JARID2: variants seen among roughly 807,000 people sequenced by gnomAD.
The protein encoded by JARID2 is protein Jumonji.
Under a neutral mutation model 125.6 loss-of-function variants are expected in JARID2, and 21 were observed. That is an observed-to-expected ratio of 0.17 (90% CI 0.12 to 0.24). The LOEUF (loss-of-function observed/expected upper bound fraction) is 0.24, where lower values mean the gene tolerates loss of function less well. Ranked by LOEUF, JARID2 falls within the 10% of genes least tolerant of loss-of-function variation. JARID2 has a pLI of 1.00. For synonymous variants in JARID2, 736 were observed against 661.6 expected (o/e 1.11, Z -1.73); for missense variants, 1,303 against 1,639.6 (o/e 0.79, Z 3.55).
chr6:15,327,018 C>G (rs1283793869), intron 1 of JARID2, among the ~76,000 whole-genome samples: 1 of 152,160 alleles, frequency 6.6e-6, no homozygotes, highest in African/African-American at 2.4e-5. Context: ...GTCACTTGTT[C>G]CAAGTGCCAC....
intron 12 of JARID2, chr6:15,509,276 C>T (rs543565464): frequency 3.0e-6 from 3 of 985,056 alleles, no homozygotes; most frequent in Non-Finnish European, 2.4e-6. Flanking sequence ...GTCGTCTGAT[C>T]GTTTACCGGC....
At chr6:15,272,259 T>A (rs1760327351) in intron 1 of JARID2, among the ~76,000 whole-genome samples, 1 of 152,216 alleles carries the variant, frequency 6.6e-6, no homozygotes. Flanking sequence ...CATTCTTCAG[T>A]TTTCATTCTG....
intron 2 of JARID2, among the ~76,000 whole-genome samples, chr6:15,389,525 A>AG (rs1459067313): frequency 6.6e-6 from 1 of 152,188 alleles, no homozygotes; most frequent in East Asian, 1.9e-4. Context: ...TCTGTTCCCT[A>AG]GGGGCTCCCC....
intron 3 of JARID2, among the ~76,000 whole-genome samples, chr6:15,414,377 T>C (rs1215138090): frequency 6.6e-6 from 1 of 152,214 alleles, no homozygotes; most frequent in African/African-American, 2.4e-5. Flanking sequence ...GATTTTGCTG[T>C]GTGTATTTAC....
In JARID2 at chr6:15,253,215, C is replaced by G. The variant is rs148880128; in HGVS notation, c.45+6631C>G. ...AGTAGCTGGGACTAACCAGCGTGTG[C>G]CACCACACCCGGCTCATTTTTGTAT... On this transcript the variant is annotated intron_variant, in intron 1 of 17. Transcript: ENST00000341776. Among the ~76,000 whole-genome samples, 234 of 152,226 alleles carry G rather than the reference C, an allele frequency of 1.5e-3. 2 individuals carry two copies. Among genetic ancestry groups the G allele is most frequent in the African/African-American group, 5.2e-3 (218 of 41,542 alleles).
intron 1 of JARID2, among the ~76,000 whole-genome samples, chr6:15,338,308 T>C (rs1762949513): frequency 6.6e-6 from 1 of 152,224 alleles, no homozygotes; most frequent in Admixed American, 6.5e-5. Flanking sequence ...TCCCAGCTTA[T>C]ACTCCTCTGG....
chr6:15,472,756 ACCAGC>A (rs1769138482), intron 5 of JARID2, among the ~76,000 whole-genome samples: 1 of 152,076 alleles, frequency 6.6e-6, no homozygotes, highest in Non-Finnish European at 1.5e-5. Context: ...GTCCAGAGTC[ACCAGC>A]CATTTCCCTG....
Position 15,332,628 on chromosome 6 carries a change from G to A in JARID2, c.46-41489G>A, listed in dbSNP as rs72834585. On this transcript the variant is annotated intron_variant, in intron 1 of 17. Transcript: ENST00000341776. ...AAATTGGCTTGCAGCTGTGGTGGGC[G>A]CTACTTGTGTAAGTCCAGCTGTCCC... Among the ~76,000 whole-genome samples the A allele has an allele frequency of 9.2e-3, 1,395 of 152,242 alleles. 12 individuals carry two copies. The highest frequency in any genetic ancestry group is 0.024 in the Middle Eastern group (7 of 294).
chr6:15,491,123 A>G (rs1224657663), intron 6 of JARID2, among the ~76,000 whole-genome samples: 3 of 152,272 alleles, frequency 2.0e-5, no homozygotes, highest in African/African-American at 4.8e-5. Flanking sequence ...AAATACGGCT[A>G]TTGAGAAGGA....
intron 1 of JARID2, among the ~76,000 whole-genome samples, chr6:15,305,497 G>A (rs753990966): frequency 3.3e-5 from 5 of 152,158 alleles, no homozygotes; most frequent in Non-Finnish European, 7.3e-5. Flanking sequence ...ACATAGCTTA[G>A]CTTAGAGTTA....
intron 1 of JARID2, among the ~76,000 whole-genome samples, chr6:15,268,666 A>G (rs1760181822): frequency 6.6e-6 from 1 of 152,178 alleles, no homozygotes; most frequent in African/African-American, 2.4e-5. Context: ...TTTCACATGC[A>G]CACGTCTCCC....
At chr6:15,479,132 G>A (rs2251828) in intron 5 of JARID2, among the ~76,000 whole-genome samples, 118,361 of 152,142 alleles carry the variant, frequency 0.78, 46,085 homozygotes, top group Admixed American at 0.81. Context: ...CTGTTGCCCC[G>A]TAAGGCCATT....
chr6:15,471,904 A>G (rs1769093759), intron 5 of JARID2, among the ~76,000 whole-genome samples: 1 of 152,210 alleles, frequency 6.6e-6, no homozygotes, highest in Non-Finnish European at 1.5e-5. Context: ...GTAACTATCT[A>G]TAGATACATA....
chr6:15,247,410 T>C (rs1014213019), intron 1 of JARID2: 2 of 980,328 alleles, frequency 2.0e-6, no homozygotes, highest in African/African-American at 3.6e-5. Context: ...TGTTTTTGTT[T>C]TGTGTGTGGT....
intron 4 of JARID2, among the ~76,000 whole-genome samples, chr6:15,459,440 T>C (rs1009395808): frequency 3.3e-5 from 5 of 150,842 alleles, no homozygotes; most frequent in African/African-American, 1.2e-4. Context: ...AAAGAGTCTG[T>C]ATGTGTTCAG....
intron 3 of JARID2, among the ~76,000 whole-genome samples, chr6:15,433,256 TTGTG>T (rs1223918741): frequency 2.0e-5 from 3 of 152,194 alleles, no homozygotes; most frequent in Non-Finnish European, 2.9e-5. Flanking sequence ...ACCTTTTCCT[TTGTG>T]TGTCCCCAAA....
intron 17 of JARID2, 21 bp from the exon 18 acceptor site, chr6:15,520,048 C>G (rs1261122357): frequency 2.5e-6 from 4 of 1,603,186 alleles, no homozygotes; most frequent in Admixed American, 3.4e-5. Flanking sequence ...TTAACTGTGT[C>G]TTCCTTTCAC....
At chr6:15,482,147 G>C (rs1477001540) in intron 5 of JARID2, among the ~76,000 whole-genome samples, 1 of 152,200 alleles carries the variant, frequency 6.6e-6, no homozygotes, top group African/African-American at 2.4e-5. Flanking sequence ...TCCCAGCTTA[G>C]CAACTGGCCT....
intron 3 of JARID2, among the ~76,000 whole-genome samples, chr6:15,450,379 A>AG (rs1474873535): frequency 6.6e-6 from 1 of 152,128 alleles, no homozygotes; most frequent in African/African-American, 2.4e-5. Flanking sequence ...CACCTTGGCC[A>AG]GGCTGGTCTG....
Sources: gnomAD v4.1 joint callset for allele counts (sites outside exome capture counted in the v4.1 genomes callset) on GRCh38, gnomAD v4.1.1 for gene constraint, MANE v1.5 for transcripts, NCBI Gene and HGNC (gene_info 2026-07-23, HGNC 2026-07-21) for gene names.